USP40: variants seen among roughly 807,000 people sequenced by gnomAD.
The protein encoded by USP40 is ubiquitin specific peptidase 40, also known as ubiquitin carboxyl-terminal hydrolase 40.
USP40 carries 143 observed loss-of-function variants against 166.2 expected under a neutral mutation model. The ratio of observed to expected loss-of-function variants is 0.86; its 90% CI spans 0.75 to 0.99. USP40 has a LOEUF of 0.99. Among genes scored for constraint, USP40 ranks in the 50% least tolerant of loss-of-function variants. The probability of loss-of-function intolerance (pLI) is 0.00; values close to 1 mark genes in which losing one functional copy is unlikely to be tolerated. For synonymous variants in USP40, 498 were observed against 524.0 expected (o/e 0.95, Z 0.68); for missense variants, 1,444 against 1,479.7 (o/e 0.98, Z 0.40).
In USP40 at chr2:233,557,000, A is replaced by G. The variant is rs1241329401; in HGVS notation, c.401T>C (p.Val134Ala). Reference protein sequence around the residue: ...TSNEEMRQHDVQELNRILFSA... With the variant: ...TSNEEMRQHDAQELNRILFSA... ...GAAGAGGATTCGATTCAGTTCCTGC[A>G]CATCATGTTGCCTCATTTCCTACAA... Residue 134 changes from valine to alanine, a missense_variant, in exon 5 of 32, where the codon GTG becomes GCG. Coordinates refer to ENST00000678225, the MANE Select transcript of USP40 (RefSeq NM_001365479.2). The G allele has an allele frequency of 1.2e-6, 2 of 1,612,538 alleles. No individual in the cohort carries two copies. The highest frequency in any genetic ancestry group is 2.2e-5 in the East Asian group (1 of 44,852).
intron 6 of USP40, among the ~76,000 whole-genome samples, chr2:233,553,064 A>G (rs199550497): frequency 0.016 from 483 of 31,076 alleles, 3 homozygotes; most frequent in African/African-American, 0.052. Flanking sequence ...GATGCCATAG[A>G]AGCTGAGAAG....
At chr2:233,521,476 C>T (rs2067654211) in intron 16 of USP40, among the ~76,000 whole-genome samples, 1 of 152,174 alleles carries the variant, frequency 6.6e-6, no homozygotes, top group African/African-American at 2.4e-5. Context: ...AACAACAGGG[C>T]AGCCATGTGC....
At chr2:233,526,009 T>C (rs1381171698) in intron 13 of USP40, among the ~76,000 whole-genome samples, 1 of 152,202 alleles carries the variant, frequency 6.6e-6, no homozygotes, top group Non-Finnish European at 1.5e-5. Flanking sequence ...TGCAAATTTA[T>C]AAAGGTGCAT....
chr2:233,480,216 G>A lies in USP40; in HGVS notation c.3599+987C>T, dbSNP rs940477054. Among the ~76,000 whole-genome samples, 2 of 152,198 alleles carry A rather than the reference G, an allele frequency of 1.3e-5. No individual in the cohort carries two copies. Among genetic ancestry groups the A allele is most frequent in the Non-Finnish European group, 2.9e-5 (2 of 68,044 alleles). On this transcript the variant is annotated intron_variant, in intron 31 of 31. Coordinates refer to ENST00000678225, the MANE Select transcript of USP40 (RefSeq NM_001365479.2). This position sits in a 1 kb window ranked among gnomAD's most constrained non-coding sequence, Gnocchi z 4.5. Reference sequence around the variant, plus strand: ...CTGGCACACGGGCAGCCAAGATACTGAGGGGCAGAAGAAGGGGATTAGGGT... The same window carrying A: ...CTGGCACACGGGCAGCCAAGATACTAAGGGGCAGAAGAAGGGGATTAGGGT...
intron 18 of USP40, among the ~76,000 whole-genome samples, chr2:233,517,640 GC>G (rs1214647216): frequency 1.3e-5 from 2 of 152,056 alleles, no homozygotes; most frequent in African/African-American, 4.8e-5. Context: ...CCCCGCCTCG[GC>G]CTCCCAAAGT....
intron 6 of USP40, 71 bp from the exon 7 acceptor site, chr2:233,551,590 G>A (rs1004363662): frequency 1.4e-6 from 2 of 1,447,460 alleles, no homozygotes; most frequent in African/African-American, 2.9e-5. Flanking sequence ...TGTTTCTTAA[G>A]GTCTGAAAAA....
chr2:233,476,933 G>GGTGGCGCA lies in USP40; in HGVS notation c.*451_*458dup, dbSNP rs1412939204. ...GCCCGCTTCTGCTCAGCACCAGCGC[G>GGTGGCGCA]GTGGCGCAGTGGCCTGAGACACTGT... is the stretch of plus-strand genomic sequence containing the variant. On this transcript the variant is annotated 3_prime_UTR_variant, in exon 32 of 32. Transcript: ENST00000678225. The GGTGGCGCA allele has an allele frequency of 3.8e-5, 10 of 266,282 alleles. No homozygotes were observed. The highest frequency in any genetic ancestry group is 5.1e-5 in the Non-Finnish European group (7 of 136,456). 16.5% of individuals were successfully genotyped at this position (266,282 alleles called of 1,614,324 possible).
At chr2:233,539,902 G>T (rs962292377) in intron 10 of USP40, among the ~76,000 whole-genome samples, 1 of 151,974 alleles carries the variant, frequency 6.6e-6, no homozygotes, top group Non-Finnish European at 1.5e-5. Context: ...TAACTTGATG[G>T]CCAGGCAGAT....
chr2:233,561,126 G>T, intron 3 of USP40: 3 of 1,556,368 alleles, frequency 1.9e-6, no homozygotes, highest in Non-Finnish European at 2.6e-6. Flanking sequence ...TTCTGAATAC[G>T]CTAAAACACC....
chr2:233,483,496 A>C (rs1304507146), intron 30 of USP40, among the ~76,000 whole-genome samples: 1 of 152,198 alleles, frequency 6.6e-6, no homozygotes, highest in Non-Finnish European at 1.5e-5. Flanking sequence ...ATCTCAAAAA[A>C]TAAAAAAAAG....
chr2:233,506,790 G>A (rs1034945251), intron 21 of USP40, among the ~76,000 whole-genome samples: 21 of 149,342 alleles, frequency 1.4e-4, no homozygotes, highest in African/African-American at 3.0e-4. Flanking sequence ...ATATACCTGC[G>A]ATCCCAGCTA....
At chr2:233,554,063 T>A (rs1182908855) in intron 6 of USP40, among the ~76,000 whole-genome samples, 2 of 152,100 alleles carry the variant, frequency 1.3e-5, no homozygotes, top group Non-Finnish European at 1.5e-5. Context: ...AAAGCAAAGC[T>A]CAACAAGCTT....
chr2:233,535,127 G>C (rs1414247464), intron 10 of USP40, among the ~76,000 whole-genome samples: 3 of 152,090 alleles, frequency 2.0e-5, no homozygotes, highest in Admixed American at 6.5e-5. Context: ...CAGAATCTGA[G>C]AATACCAGAG....
intron 21 of USP40, among the ~76,000 whole-genome samples, chr2:233,506,816 TG>T (rs1387649927): frequency 6.7e-6 from 1 of 149,592 alleles, no homozygotes; most frequent in Non-Finnish European, 1.5e-5. Context: ...GAGGCTGAGA[TG>T]GAAGGATCAC....
chr2:233,534,356 CTT>C (rs2125283304), intron 10 of USP40, among the ~76,000 whole-genome samples: 2 of 152,314 alleles, frequency 1.3e-5, no homozygotes, highest in East Asian at 3.9e-4. Flanking sequence ...AAAAAAATTT[CTT>C]TCTCCATTGC....
At position 233,545,712 on chromosome 2, in the gene USP40, C is replaced by T. The variant is rs145182746; in HGVS notation, c.967-3349G>A. On this transcript the variant is annotated intron_variant, in intron 8 of 31. Transcript: ENST00000678225. Reference sequence around the variant, plus strand: ...GGTCCTGAAAACTACTCCTTACAGGCAGTACCTACTAAAGAACTCCATGTA... The same window carrying T: ...GGTCCTGAAAACTACTCCTTACAGGTAGTACCTACTAAAGAACTCCATGTA... The T allele has an allele frequency of 2.4e-3, 522 of 215,650 alleles. 5 individuals are homozygous for T. The highest frequency in any genetic ancestry group is 0.011 in the African/African-American group (495 of 43,404). The allele number at this position is 215,650 out of a possible 1,614,324, so 13.4% of individuals were successfully genotyped here. A position where few individuals can be genotyped will look rare whatever the true frequency, so the allele number is the denominator to read the frequency against.
chr2:233,510,392 C>CTTTTTTTTTTTTTTTTTTTTTTT (rs1158427662), intron 20 of USP40, among the ~76,000 whole-genome samples: 2 of 68,690 alleles, frequency 2.9e-5, no homozygotes, highest in African/African-American at 6.8e-5. Context: ...CTTTTTCTTT[C>CTTTTTTTTTTTTTTTTTTTTTTT]TTTTTTTTTT....
chr2:233,555,843 G>A (rs1159868088), intron 5 of USP40, among the ~76,000 whole-genome samples: 2 of 151,790 alleles, frequency 1.3e-5, no homozygotes, highest in Admixed American at 6.6e-5. Flanking sequence ...GGCCAGGCGC[G>A]GTGGCTCATG....
chr2:233,540,824 T>C, intron 9 of USP40, 55 bp from the exon 10 acceptor site: 2 of 1,293,432 alleles, frequency 1.5e-6, no homozygotes, highest in South Asian at 1.2e-5. Flanking sequence ...AATTGCATAC[T>C]TAACAAATTC....
Sources: allele counts gnomAD v4.1 joint callset (sites outside exome capture counted in the v4.1 genomes callset), GRCh38; gene constraint gnomAD v4.1.1; non-coding constraint Gnocchi (gnomAD v3.1); transcripts MANE v1.5; gene names NCBI Gene and HGNC (gene_info 2026-07-23, HGNC 2026-07-21).